KLRF1: variants seen among roughly 807,000 people sequenced by gnomAD.
The protein encoded by KLRF1 is killer cell lectin-like receptor subfamily F member 1.
In KLRF1, 27 loss-of-function variants were observed where a neutral mutation model predicts 30.7. That is an observed-to-expected ratio of 0.88 (90% CI 0.65 to 1.21). The LOEUF (loss-of-function observed/expected upper bound fraction) is 1.21. Ranked by LOEUF, KLRF1 falls within the 50% of genes most tolerant of loss-of-function variation. The probability of loss-of-function intolerance (pLI) is 0.00; values close to 1 mark genes in which losing one functional copy is unlikely to be tolerated. For missense variants in KLRF1, 246 were observed against 259.3 expected (o/e 0.95, Z 0.35); for synonymous variants, 92 against 89.3 (o/e 1.03, Z -0.17).
At chr12:9,821,983 C>T in the KLRF1 span, among the ~76,000 whole-genome samples, 1 of 152,214 alleles carries the variant, frequency 6.6e-6, no homozygotes, top group Non-Finnish European at 1.5e-5. Context: ...AAGCCTCAAC[C>T]CTGTGAATAC....
chr12:9,833,189 T>C (rs1867484346), intron 2 of KLRF1, 114 bp from the exon 3 acceptor site: 1 of 665,868 alleles, frequency 1.5e-6, no homozygotes. Flanking sequence ...AAGATCCTAG[T>C]GACCGTTTCA....
At chr12:9,801,316 A>G in the KLRF1 span, among the ~76,000 whole-genome samples, 2 of 151,988 alleles carry the variant, frequency 1.3e-5, no homozygotes, top group African/African-American at 4.8e-5. Flanking sequence ...ATATGTCTGC[A>G]TGTGTCTTTA....
intron 1 of KLRF1, among the ~76,000 whole-genome samples, chr12:9,830,165 T>C (rs1005757967): frequency 1.4e-4 from 21 of 151,930 alleles, no homozygotes; most frequent in African/African-American, 5.1e-4. Context: ...TTTTTGTTTG[T>C]TTTTTTTGGT....
chr12:9,842,045 C>T, intron 4 of KLRF1, 94 bp downstream of exon 4: 1 of 1,355,906 alleles, frequency 7.4e-7, no homozygotes, highest in Middle Eastern at 2.2e-4. Flanking sequence ...CATCATTTAC[C>T]TTGATTATCG....
chr12:9,804,248 G>C, the KLRF1 span, among the ~76,000 whole-genome samples: 1 of 151,744 alleles, frequency 6.6e-6, no homozygotes, highest in Non-Finnish European at 1.5e-5. Flanking sequence ...TGGGAGAAAT[G>C]TCTTTTCAGA....
At chr12:9,835,679 C>A (rs1867560286) in intron 3 of KLRF1, among the ~76,000 whole-genome samples, 1 of 152,002 alleles carries the variant, frequency 6.6e-6, no homozygotes, top group Non-Finnish European at 1.5e-5. Flanking sequence ...ACATGCATAG[C>A]TGGACTTTGG....
the KLRF1 span, among the ~76,000 whole-genome samples, chr12:9,811,319 C>CAAAAAAAAAAAAAAAAAAAAAA: frequency 6.4e-5 from 4 of 62,180 alleles, no homozygotes; most frequent in Non-Finnish European, 8.9e-5. Context: ...AGAAGTAGTC[C>CAAAAAAAAAAAAAAAAAAAAAA]AAAAAAAAAA....
chr12:9,808,359 A>G, the KLRF1 span, among the ~76,000 whole-genome samples: 1 of 152,158 alleles, frequency 6.6e-6, no homozygotes, highest in African/African-American at 2.4e-5. Context: ...TGCTTCTTTG[A>G]GTCAAATTTA....
the KLRF1 span, among the ~76,000 whole-genome samples, chr12:9,805,348 A>G: frequency 6.6e-6 from 1 of 152,064 alleles, no homozygotes; most frequent in East Asian, 1.9e-4. Context: ...ACGTGACAGA[A>G]GGGACAAAAG....
At chr12:9,813,141 T>C in the KLRF1 span, among the ~76,000 whole-genome samples, 136 of 152,006 alleles carry the variant, frequency 8.9e-4, no homozygotes, top group African/African-American at 3.2e-3. Context: ...TTTTTTATTT[T>C]TTTAATTAAT....
At chr12:9,814,422 A>G in the KLRF1 span, among the ~76,000 whole-genome samples, 3 of 152,182 alleles carry the variant, frequency 2.0e-5, no homozygotes, top group Admixed American at 2.0e-4. Context: ...AGCCCTGAGC[A>G]CAACATAGGG....
At chr12:9,838,219 T>C (rs1867626821) in intron 3 of KLRF1, among the ~76,000 whole-genome samples, 1 of 152,090 alleles carries the variant, frequency 6.6e-6, no homozygotes, top group African/African-American at 2.4e-5. Flanking sequence ...ACATCCACTC[T>C]TTTACCATAT....
At chr12:9,820,008 G>A in the KLRF1 span, among the ~76,000 whole-genome samples, 9 of 151,492 alleles carry the variant, frequency 5.9e-5, no homozygotes, top group African/African-American at 2.2e-4. Context: ...CTGAGGTTAT[G>A]AGGGGGCTGG....
chr12:9,833,169 A>G (rs747221237), intron 2 of KLRF1, 134 bp from the exon 3 acceptor site: 9 of 552,334 alleles, frequency 1.6e-5, no homozygotes, highest in Middle Eastern at 4.9e-4. Flanking sequence ...GTAGACATGA[A>G]AATTTTAAAA....
At position 9,844,575 on chromosome 12, in the gene KLRF1, C is replaced by G; in HGVS notation, c.*49C>G. ...ATAATCAATGATCACTATTTTTGGC[C>G]TATTAGTTTCTAATATTAATCTCCA... On this transcript the variant is annotated 3_prime_UTR_variant, in exon 6 of 6. Transcript: ENST00000617889. 1.0e-6 allele frequency: 1 copy of G among 991,120 alleles called. No individual in the cohort carries two copies. Among genetic ancestry groups the G allele is most frequent in the Non-Finnish European group, 1.6e-6 (1 of 642,910 alleles). The allele number at this position is 991,120 out of a possible 1,614,324, so 61.4% of individuals were successfully genotyped here. A position where few individuals can be genotyped will look rare whatever the true frequency, so the allele number is the denominator to read the frequency against.
intron 2 of KLRF1, 119 bp from the exon 3 acceptor site, chr12:9,833,184 C>A: frequency 1.6e-6 from 1 of 624,444 alleles, no homozygotes; most frequent in East Asian, 3.3e-5. Context: ...TTAAAAAGAT[C>A]CTAGTGACCG....
At chr12:9,821,453 C>T in the KLRF1 span, among the ~76,000 whole-genome samples, 8 of 152,134 alleles carry the variant, frequency 5.3e-5, no homozygotes, top group South Asian at 2.1e-4. Context: ...AGTTCATCTC[C>T]CACAGGTCCT....
At chr12:9,827,805 C>T (rs181005085) in intron 1 of KLRF1, among the ~76,000 whole-genome samples, 176 bp downstream of exon 1, 378 of 152,234 alleles carry the variant, frequency 2.5e-3, no homozygotes, top group Non-Finnish European at 4.2e-3. Context: ...AAATAACAAC[C>T]TCTCTTACCA....
At chr12:9,821,343 G>A in the KLRF1 span, among the ~76,000 whole-genome samples, 20 of 151,730 alleles carry the variant, frequency 1.3e-4, no homozygotes, top group East Asian at 1.9e-4. Flanking sequence ...CCTCTGCAGC[G>A]GTACTACTCC....
Sources: gnomAD v4.1 joint callset for allele counts (sites outside exome capture counted in the v4.1 genomes callset) on GRCh38, gnomAD v4.1.1 for gene constraint, MANE v1.5 for transcripts, NCBI Gene and HGNC (gene_info 2026-07-23, HGNC 2026-07-21) for gene names.